The following ZNF385B variants were observed in gnomAD, a reference collection of about 807,000 sequenced individuals.
ZNF385B encodes zinc finger protein 385B, also known as zinc finger protein 533.
In ZNF385B, 23 loss-of-function variants were observed where a neutral mutation model predicts 39.2. The ratio of observed to expected loss-of-function variants is 0.59; its 90% CI spans 0.42 to 0.83. The LOEUF (loss-of-function observed/expected upper bound fraction) is 0.83. Ranked by LOEUF, ZNF385B falls within the 40% of genes least tolerant of loss-of-function variation. The pLI, the probability that ZNF385B is intolerant of heterozygous loss-of-function variation, is 0.00. For synonymous variants in ZNF385B, 205 were observed against 222.6 expected, an observed-to-expected ratio of 0.92 and a Z score of 0.70; for missense variants, 552 against 598.9, an observed-to-expected ratio of 0.92 and a Z score of 0.82.
intron 1 of ZNF385B, among the ~76,000 whole-genome samples, chr2:179,840,180 A>G (rs1031819071): frequency 1.3e-5 from 2 of 152,216 alleles, no homozygotes; most frequent in African/African-American, 4.8e-5. Flanking sequence ...TTCACACAGG[A>G]CAGGAACAGA....
At chr2:179,779,636 G>A (rs1362542088) in intron 1 of ZNF385B, among the ~76,000 whole-genome samples, 2 of 152,220 alleles carry the variant, frequency 1.3e-5, no homozygotes, top group African/African-American at 4.8e-5. Context: ...GAGGGTGATT[G>A]TGACAGCAGT....
intron 6 of ZNF385B, among the ~76,000 whole-genome samples, chr2:179,459,520 G>A (rs925870958): frequency 6.6e-6 from 1 of 151,872 alleles, no homozygotes; most frequent in Non-Finnish European, 1.5e-5. Context: ...AGGCATGGAA[G>A]TTAGCAGTAA....
rs558295201 is a variant in ZNF385B, at chr2:179,697,130, G to A, written c.298+72373C>T. Among the ~76,000 whole-genome samples, 74 of 152,220 alleles carry A rather than the reference G, an allele frequency of 4.9e-4. No homozygotes were observed. In the South Asian group the frequency reaches 9.9e-3, roughly 20 times the overall value. On this transcript the variant is annotated intron_variant, in intron 3 of 9. Transcript: ENST00000410066. ...TGAAGTCTGATTTAATTTTGCTTAC[G>A]AAAATAAGCATATGTGCCTTTTTTG...
intron 3 of ZNF385B, among the ~76,000 whole-genome samples, chr2:179,672,584 G>A (rs553109256): frequency 1.3e-5 from 2 of 152,126 alleles, no homozygotes; most frequent in Admixed American, 6.5e-5. Context: ...CCCCCAAGGC[G>A]ATGGTATTAG....
intron 1 of ZNF385B, among the ~76,000 whole-genome samples, chr2:179,859,050 G>T (rs1447287022): frequency 1.3e-5 from 2 of 152,088 alleles, no homozygotes; most frequent in East Asian, 3.9e-4. Flanking sequence ...TGTTTTGAAA[G>T]ATTTTTTTTT....
chr2:179,749,477 T>C (rs895170300), intron 3 of ZNF385B, among the ~76,000 whole-genome samples: 2 of 152,054 alleles, frequency 1.3e-5, no homozygotes, highest in Non-Finnish European at 2.9e-5. Flanking sequence ...ATACCAACCA[T>C]ATGGTCAGCT....
At chr2:179,751,473 T>C (rs764350732) in intron 3 of ZNF385B, among the ~76,000 whole-genome samples, 4 of 152,174 alleles carry the variant, frequency 2.6e-5, no homozygotes, top group Non-Finnish European at 5.9e-5. Context: ...TGAGGATAAA[T>C]TTAACATTTT....
chr2:179,735,269 A>C (rs1348487813), intron 3 of ZNF385B, among the ~76,000 whole-genome samples: 8 of 149,954 alleles, frequency 5.3e-5, no homozygotes, highest in Admixed American at 2.0e-4. Context: ...CAGCCAAAAA[A>C]CACATGAAAA....
At chr2:179,579,781 T>A (rs1686270090) in intron 3 of ZNF385B, among the ~76,000 whole-genome samples, 1 of 152,180 alleles carries the variant, frequency 6.6e-6, no homozygotes, top group South Asian at 2.1e-4. Flanking sequence ...TTTTGAACAA[T>A]TTTCTATGTA....
chr2:179,453,786 T>G (rs1378735115), intron 6 of ZNF385B, among the ~76,000 whole-genome samples: 2 of 152,116 alleles, frequency 1.3e-5, no homozygotes, highest in Non-Finnish European at 2.9e-5. Context: ...AGCAAGAGGC[T>G]GAAGTGTGGA....
chr2:179,647,206 T>G (rs1056449941), intron 3 of ZNF385B, among the ~76,000 whole-genome samples: 2 of 152,210 alleles, frequency 1.3e-5, no homozygotes, highest in Non-Finnish European at 2.9e-5. Flanking sequence ...AACCTTAATG[T>G]GGCTAAAGTT....
intron 1 of ZNF385B, among the ~76,000 whole-genome samples, chr2:179,777,463 A>G (rs192748537): frequency 4.1e-3 from 625 of 152,292 alleles, no homozygotes; most frequent in Middle Eastern, 0.014. Context: ...AACTATGGAC[A>G]AAACATATAC....
chr2:179,807,463 T>A (rs1706426166), intron 1 of ZNF385B, among the ~76,000 whole-genome samples: 1 of 151,884 alleles, frequency 6.6e-6, no homozygotes, highest in Non-Finnish European at 1.5e-5. Context: ...CTAGGCGTTG[T>A]GGCGTGTGCC....
intron 3 of ZNF385B, among the ~76,000 whole-genome samples, chr2:179,630,996 G>A (rs1691150742): frequency 6.6e-6 from 1 of 152,150 alleles, no homozygotes; most frequent in Non-Finnish European, 1.5e-5. Context: ...AATGAACAAA[G>A]CCTCCAAGAA....
rs573140909 is a variant in ZNF385B, at chr2:179,542,873, T to C, written c.441+1954A>G. Among the ~76,000 whole-genome samples, 58 of 152,258 alleles carry C rather than the reference T, an allele frequency of 3.8e-4. 1 individual carries two copies. Among genetic ancestry groups the C allele is most frequent in the African/African-American group, 1.4e-3 (57 of 41,554 alleles). On this transcript the variant is annotated intron_variant, in intron 4 of 9. Coordinates refer to ENST00000410066, the MANE Select transcript of ZNF385B (RefSeq NM_152520.6). The stretch of plus-strand genomic sequence containing the variant: ...CTTCCGCTAGTGAAGGAAGTAAAAG[T>C]ATGTGCAGGGGTATGGAATATGACT...
intron 1 of ZNF385B, among the ~76,000 whole-genome samples, chr2:179,813,926 C>A (rs985709761): frequency 6.6e-6 from 1 of 152,122 alleles, no homozygotes; most frequent in African/African-American, 2.4e-5. Context: ...AGACATTCAC[C>A]TTAGTTTTAT....
At chr2:179,670,612 AG>A (rs1221298308) in intron 3 of ZNF385B, among the ~76,000 whole-genome samples, 1 of 152,228 alleles carries the variant, frequency 6.6e-6, no homozygotes, top group Non-Finnish European at 1.5e-5. Flanking sequence ...AACTGGCAAA[AG>A]TTCTGAAAAG....
intron 3 of ZNF385B, among the ~76,000 whole-genome samples, chr2:179,575,958 T>C (rs941551697): frequency 2.0e-5 from 3 of 152,198 alleles, no homozygotes; most frequent in African/African-American, 4.8e-5. Flanking sequence ...TTGGAATACA[T>C]TTAAATGATA....
chr2:179,458,047 T>C (rs2050895011), intron 6 of ZNF385B, among the ~76,000 whole-genome samples: 1 of 152,328 alleles, frequency 6.6e-6, no homozygotes, highest in East Asian at 1.9e-4. Flanking sequence ...AAATACCTTC[T>C]TGAATGTTTG....
Sources: allele counts gnomAD v4.1 joint callset (sites outside exome capture counted in the v4.1 genomes callset), GRCh38; gene constraint gnomAD v4.1.1; transcripts MANE v1.5; gene names NCBI Gene and HGNC (gene_info 2026-07-23, HGNC 2026-07-21).